Variants in NUP98 observed in about 807,000 individuals in gnomAD.
The protein encoded by NUP98 is nucleoporin 98 and 96 precursor.
NUP98 carries 26 observed loss-of-function variants against 191.9 expected under a neutral mutation model. The ratio of observed to expected loss-of-function variants is 0.14; its 90% CI spans 0.10 to 0.19. The LOEUF is 0.19. Ranked by LOEUF, NUP98 falls within the 10% of genes least tolerant of loss-of-function variation. The probability of loss-of-function intolerance (pLI) is 1.00; values close to 1 mark genes in which losing one functional copy is unlikely to be tolerated. For synonymous variants in NUP98, 808 were observed against 778.4 expected, an observed-to-expected ratio of 1.04 and a Z score of -0.63; for missense variants, 1,941 against 2,178.8, an observed-to-expected ratio of 0.89 and a Z score of 2.17.
intron 12 of NUP98, among the ~76,000 whole-genome samples, chr11:3,744,185 C>T (rs1288227552): frequency 1.3e-5 from 2 of 152,308 alleles, no homozygotes; most frequent in South Asian, 4.1e-4. Context: ...GCTAAATTCT[C>T]ATCTACCATA....
intron 12 of NUP98, among the ~76,000 whole-genome samples, chr11:3,742,709 A>AC (rs1470812662): frequency 1.3e-5 from 2 of 151,778 alleles, no homozygotes; most frequent in Admixed American, 1.3e-4. Flanking sequence ...CAAAAAAAAA[A>AC]AAAAAAAAAA....
intron 19 of NUP98, among the ~76,000 whole-genome samples, chr11:3,713,131 G>A (rs999103811): frequency 3.3e-5 from 5 of 152,006 alleles, no homozygotes; most frequent in East Asian, 1.9e-4. Context: ...AAACTATTAC[G>A]GACAGTCAAC....
At chr11:3,781,999 G>A in intron 2 of NUP98, 43 bp downstream of exon 2, 1 of 1,313,538 alleles carries the variant, frequency 7.6e-7, no homozygotes, top group Non-Finnish European at 1.1e-6. Context: ...CTTAGTAAGG[G>A]AGATTAAGGT....
At chr11:3,765,983 G>A (rs1030829228) in intron 8 of NUP98, among the ~76,000 whole-genome samples, 5 of 152,122 alleles carry the variant, frequency 3.3e-5, no homozygotes, top group African/African-American at 1.2e-4. Flanking sequence ...GTCTACAAAT[G>A]TGAGGGTTTA....
chr11:3,719,323 A>G, intron 18 of NUP98, 89 bp downstream of exon 18: 1 of 1,023,656 alleles, frequency 9.8e-7, no homozygotes, highest in Non-Finnish European at 1.4e-6. Context: ...AAAGCAAGCT[A>G]CAGAAGCATA....
At chr11:3,745,518 G>A (rs139812076) in intron 11 of NUP98, among the ~76,000 whole-genome samples, 156 of 152,050 alleles carry the variant, frequency 1.0e-3, no homozygotes, top group African/African-American at 3.5e-3. Flanking sequence ...AGTGTAAAAC[G>A]GGGAAGAATA....
intron 10 of NUP98, among the ~76,000 whole-genome samples, chr11:3,754,057 G>A (rs944167432): frequency 1.3e-5 from 2 of 152,156 alleles, no homozygotes; most frequent in Non-Finnish European, 2.9e-5. Context: ...CATTGCCTTT[G>A]TAAGGCCCAA....
intron 10 of NUP98, among the ~76,000 whole-genome samples, chr11:3,753,649 G>T (rs984999207): frequency 1.5e-4 from 23 of 150,698 alleles, no homozygotes; most frequent in Middle Eastern, 3.5e-3. Flanking sequence ...GGTGGCTCAC[G>T]CCTGTAATCC....
intron 4 of NUP98, among the ~76,000 whole-genome samples, chr11:3,778,360 G>C (rs1297565478): frequency 1.3e-5 from 2 of 152,150 alleles, no homozygotes; most frequent in Admixed American, 1.3e-4. Context: ...GTATCCCCAA[G>C]TCATGTTTGG....
At chr11:3,738,450 G>A (rs1048164715) in intron 12 of NUP98, among the ~76,000 whole-genome samples, 4 of 152,170 alleles carry the variant, frequency 2.6e-5, no homozygotes, top group Non-Finnish European at 5.9e-5. Flanking sequence ...AGAATCTGAT[G>A]ATACTTTATC....
Position 3,778,801 on chromosome 11 carries a change from C to T in NUP98, c.355+72G>A, listed in dbSNP as rs777207277. On this transcript the variant is annotated intron_variant, in intron 4 of 32. Coordinates refer to ENST00000324932, the MANE Select transcript of NUP98 (RefSeq NM_016320.5). The stretch of plus-strand genomic sequence containing the variant: ...AAGAAGGTAGATGAACACAGAAAAA[C>T]GGAGAAAAGACAACACATTCAATAA... The T allele has an allele frequency of 2.7e-4, 395 of 1,465,506 alleles. 1 individual carries two copies. The highest frequency in any genetic ancestry group is 3.4e-4 in the Non-Finnish European group (364 of 1,077,226). 90.8% of individuals were successfully genotyped at this position (1,465,506 alleles called of 1,614,324 possible).
chr11:3,786,559 G>A (rs2133967672), intron 1 of NUP98, among the ~76,000 whole-genome samples: 1 of 152,206 alleles, frequency 6.6e-6, no homozygotes, highest in South Asian at 2.1e-4. Context: ...TGTCCTCTAT[G>A]CTCAAAAATC....
intron 2 of NUP98, among the ~76,000 whole-genome samples, chr11:3,781,014 A>G (rs907010569): frequency 1.3e-4 from 19 of 151,876 alleles, no homozygotes; most frequent in African/African-American, 4.6e-4. Context: ...CAGGAGGCAG[A>G]AGTTACAGCG....
chr11:3,759,272 TTG>T lies in NUP98; in HGVS notation c.1174+1265_1174+1266del, dbSNP rs576680551. On this transcript the variant is annotated intron_variant, in intron 10 of 32. Coordinates refer to ENST00000324932, the MANE Select transcript of NUP98 (RefSeq NM_016320.5). ...TATCTGATCTGACAGATGCTGAATT[TTG>T]AAAACATAATTAGGTAGTTATAAGA... is the stretch of plus-strand genomic sequence containing the variant. 3.6e-3 allele frequency among the ~76,000 whole-genome samples: 549 copies of T among 152,340 alleles called. 4 individuals carry two copies. Among genetic ancestry groups the T allele is most frequent in the African/African-American group, 0.013 (520 of 41,588 alleles).
Position 3,677,296 on chromosome 11 carries a change from G to A in NUP98, c.5074-676C>T, listed in dbSNP as rs548998058. Among the ~76,000 whole-genome samples, 50 of 151,952 alleles carry A rather than the reference G, an allele frequency of 3.3e-4. 1 individual carries two copies. Among genetic ancestry groups the A allele is most frequent in the Admixed American group, 2.5e-3 (38 of 15,212 alleles). On this transcript the variant is annotated intron_variant, in intron 31 of 32. Coordinates refer to ENST00000324932, the MANE Select transcript of NUP98 (RefSeq NM_016320.5). ...GAGAGCTCAGCTTTCCAGGCAAAGA[G>A]AAGACAGCTAAAACCCCCAAAGGTG...
chr11:3,791,425 T>A (rs1202752592), intron 1 of NUP98, among the ~76,000 whole-genome samples: 1 of 149,248 alleles, frequency 6.7e-6, no homozygotes, highest in Non-Finnish European at 1.5e-5. Context: ...TCCCAGCTAC[T>A]TGGGAGGCGG....
chr11:3,723,947 T>G (rs61879831), intron 15 of NUP98, among the ~76,000 whole-genome samples: 7,691 of 151,474 alleles, frequency 0.051, 256 homozygotes, highest in Middle Eastern at 0.099. Context: ...ATAATCTAAA[T>G]GTCCACTAAC....
rs2134444065 is a variant in NUP98, at chr11:3,753,298, A to T, written c.1267+18T>A. On this transcript the variant is annotated intron_variant, in intron 11 of 32. Transcript: ENST00000324932. ...CAAGCTGTGTCACTTCCTAGATCTC[A>T]TGGTAGCAGTTTCTTACCTGTTCCA... is the stretch of plus-strand genomic sequence containing the variant. The T allele has an allele frequency of 1.3e-6, 2 of 1,590,512 alleles. No individual in the cohort carries two copies. Among genetic ancestry groups the T allele is most frequent in the East Asian group, 4.5e-5 (2 of 44,610 alleles).
At chr11:3,680,929 T>C (rs2077964753) in intron 30 of NUP98, among the ~76,000 whole-genome samples, 1 of 152,164 alleles carries the variant, frequency 6.6e-6, no homozygotes, top group Non-Finnish European at 1.5e-5. Context: ...GGTGTGATCA[T>C]GGCTCACTGC....
Sources: allele counts gnomAD v4.1 joint callset (sites outside exome capture counted in the v4.1 genomes callset), GRCh38; gene constraint gnomAD v4.1.1; transcripts MANE v1.5; gene names NCBI Gene and HGNC (gene_info 2026-07-23, HGNC 2026-07-21).